The following ULK4 variants were observed in gnomAD, a reference collection of about 807,000 sequenced individuals.
ULK4 encodes unc-51 like kinase 4.
A neutral mutation model predicts 160.6 loss-of-function variants in ULK4; 133 were observed. The observed-to-expected ratio is 0.83, with a 90% CI of 0.72 to 0.96. ULK4 has a LOEUF of 0.96. Ranked by LOEUF, ULK4 falls within the 40% of genes least tolerant of loss-of-function variation. The probability of loss-of-function intolerance (pLI) is 0.00; values close to 1 mark genes in which losing one functional copy is unlikely to be tolerated. For synonymous variants in ULK4, 534 were observed against 539.8 expected (o/e 0.99, Z 0.15); for missense variants, 1,580 against 1,499.5 (o/e 1.05, Z -0.89).
intron 34 of ULK4, among the ~76,000 whole-genome samples, chr3:41,408,039 A>G (rs1473602020): frequency 2.0e-5 from 3 of 152,166 alleles, no homozygotes; most frequent in Non-Finnish European, 4.4e-5. Context: ...TCTATACACT[A>G]ACAATGAACA....
intron 35 of ULK4, among the ~76,000 whole-genome samples, chr3:41,357,658 A>G (rs1170938985): frequency 6.6e-6 from 1 of 152,192 alleles, no homozygotes; most frequent in Admixed American, 6.5e-5. Flanking sequence ...AGGGCTCAGA[A>G]CATGTTTGTC....
intron 17 of ULK4, among the ~76,000 whole-genome samples, chr3:41,869,873 C>T (rs1206683459): frequency 2.0e-5 from 3 of 152,180 alleles, no homozygotes; most frequent in Non-Finnish European, 4.4e-5. Context: ...ACAAGAAAAA[C>T]TCACTTTAAC....
chr3:41,835,679 G>C (rs1174044107), intron 18 of ULK4, among the ~76,000 whole-genome samples, 185 bp downstream of exon 18: 1 of 152,210 alleles, frequency 6.6e-6, no homozygotes, highest in Non-Finnish European at 1.5e-5. Flanking sequence ...GAGGGAGACA[G>C]GGTAAGATAG....
intron 30 of ULK4, among the ~76,000 whole-genome samples, chr3:41,656,067 T>G (rs2034925088): frequency 6.6e-6 from 1 of 152,064 alleles, no homozygotes; most frequent in African/African-American, 2.4e-5. Context: ...ATTGAAAAAC[T>G]TTTCCCCCCA....
At chr3:41,756,627 T>C (rs572636597) in intron 21 of ULK4, among the ~76,000 whole-genome samples, 7 of 152,260 alleles carry the variant, frequency 4.6e-5, no homozygotes, top group Admixed American at 3.9e-4. Context: ...GCAGCCTATC[T>C]GTAAGGAAGC....
intron 19 of ULK4, among the ~76,000 whole-genome samples, chr3:41,807,088 A>T (rs1352901130): frequency 6.6e-6 from 1 of 152,050 alleles, no homozygotes; most frequent in African/African-American, 2.4e-5. Context: ...AGATTGTGCC[A>T]CTACACTCCA....
At chr3:41,578,613 G>A (rs960088880) in intron 31 of ULK4, among the ~76,000 whole-genome samples, 5 of 152,152 alleles carry the variant, frequency 3.3e-5, no homozygotes, top group Non-Finnish European at 7.3e-5. Flanking sequence ...TAAGCATAAA[G>A]TGAGCAGTAT....
At chr3:41,809,318 C>A (rs976272627) in intron 19 of ULK4, among the ~76,000 whole-genome samples, 2 of 151,526 alleles carry the variant, frequency 1.3e-5, no homozygotes, top group African/African-American at 4.8e-5. Flanking sequence ...CACTATACTG[C>A]AAGAAATGAA....
intron 35 of ULK4, among the ~76,000 whole-genome samples, chr3:41,313,707 A>G (rs1002603995): frequency 3.3e-5 from 5 of 152,348 alleles, no homozygotes; most frequent in African/African-American, 9.6e-5. Context: ...GTTAAACCAT[A>G]TAATTTTATT....
intron 34 of ULK4, among the ~76,000 whole-genome samples, chr3:41,418,414 A>C (rs975325155): frequency 1.3e-5 from 2 of 151,964 alleles, no homozygotes; most frequent in Non-Finnish European, 2.9e-5. Context: ...AATCTGCAAA[A>C]AATTTTCCAA....
At chr3:41,860,175 C>T (rs1019332690) in intron 17 of ULK4, among the ~76,000 whole-genome samples, 2 of 152,092 alleles carry the variant, frequency 1.3e-5, no homozygotes, top group African/African-American at 4.8e-5. Flanking sequence ...GAGAATAATT[C>T]ATGTCTGAGA....
chr3:41,846,084 T>C (rs1453495987), intron 17 of ULK4, among the ~76,000 whole-genome samples: 1 of 152,226 alleles, frequency 6.6e-6, no homozygotes, highest in South Asian at 2.1e-4. Flanking sequence ...GAACTCAATG[T>C]CTTGTAAATA....
intron 2 of ULK4, among the ~76,000 whole-genome samples, chr3:41,948,722 T>A (rs1365233413): frequency 1.7e-4 from 23 of 134,532 alleles, no homozygotes; most frequent in Admixed American, 2.2e-4. Flanking sequence ...CAACAACCTT[T>A]AAAAAAAAAA....
At chr3:41,649,799 C>T (rs1183161968) in intron 30 of ULK4, among the ~76,000 whole-genome samples, 1 of 152,218 alleles carries the variant, frequency 6.6e-6, no homozygotes, top group Non-Finnish European at 1.5e-5. Context: ...AGGGAGGATT[C>T]CCAGTGAAAC....
intron 32 of ULK4, among the ~76,000 whole-genome samples, chr3:41,561,329 T>C (rs1004329294): frequency 3.9e-5 from 6 of 152,210 alleles, no homozygotes. Flanking sequence ...AATTCTCTTT[T>C]TTGGTTGTGT....
At chr3:41,643,431 C>T (rs1214464756) in intron 30 of ULK4, among the ~76,000 whole-genome samples, 1 of 152,170 alleles carries the variant, frequency 6.6e-6, no homozygotes, top group African/African-American at 2.4e-5. Context: ...TTTCCCAGCA[C>T]CATTTATTAA....
chr3:41,625,919 C>T (rs994171577), intron 30 of ULK4, among the ~76,000 whole-genome samples: 1 of 152,210 alleles, frequency 6.6e-6, no homozygotes, highest in African/African-American at 2.4e-5. Flanking sequence ...GTATACTTTT[C>T]TTCCTTTATT....
intron 22 of ULK4, among the ~76,000 whole-genome samples, chr3:41,731,676 GA>G (rs371556781): frequency 0.16 from 19,745 of 119,940 alleles, 4,203 homozygotes; most frequent in African/African-American, 0.5. Context: ...AATTTTGGGG[GA>G]AAAAAAAAAA....
intron 32 of ULK4, among the ~76,000 whole-genome samples, chr3:41,477,889 G>A (rs1324493757): frequency 6.6e-6 from 1 of 152,238 alleles, no homozygotes; most frequent in Non-Finnish European, 1.5e-5. Context: ...AATCATCTCA[G>A]TGTAAGATTT....
Sources: gnomAD v4.1 joint callset for allele counts (sites outside exome capture counted in the v4.1 genomes callset) on GRCh38, gnomAD v4.1.1 for gene constraint, MANE v1.5 for transcripts, NCBI Gene and HGNC (gene_info 2026-07-23, HGNC 2026-07-21) for gene names.